NRG1: variants seen among roughly 807,000 people sequenced by gnomAD.
The protein encoded by NRG1 is neuregulin 1.
In NRG1, 18 loss-of-function variants were observed where a neutral mutation model predicts 63.8. The observed-to-expected ratio is 0.28, with a 90% CI of 0.19 to 0.42. The LOEUF is 0.42. Ranked by LOEUF, NRG1 falls within the 10% of genes least tolerant of loss-of-function variation. The probability of loss-of-function intolerance (pLI) is 1.00; values close to 1 mark genes in which losing one functional copy is unlikely to be tolerated. For missense variants in NRG1, 762 were observed against 814.7 expected, an observed-to-expected ratio of 0.94 and a Z score of 0.79; for synonymous variants, 302 against 301.3, an observed-to-expected ratio of 1.00 and a Z score of -0.02.
chr8:32,096,584 G>T lies in NRG1; in HGVS notation c.37+457153G>T, dbSNP rs150904072. ...GATGTCTGGAAAAATTCAAAATTGG[G>T]CATCTGTATTTGGTGAAGGCCACAG... On this transcript the variant is annotated intron_variant, in intron 1 of 10. Transcript: ENST00000519301. 6.6e-5 allele frequency among the ~76,000 whole-genome samples: 10 copies of T among 152,256 alleles called. No homozygotes were observed. The South Asian group carries it at 8.3e-4, about 13-fold the overall frequency.
At chr8:32,591,720 T>C (rs902156560) in intron 1 of NRG1, among the ~76,000 whole-genome samples, 15 of 152,190 alleles carry the variant, frequency 9.9e-5, no homozygotes, top group African/African-American at 3.6e-4. Flanking sequence ...AAGAATTTCT[T>C]TCATGAATGC....
intron 1 of NRG1, among the ~76,000 whole-genome samples, chr8:31,815,410 T>C (rs1823340634): frequency 1.3e-5 from 2 of 152,208 alleles, no homozygotes; most frequent in African/African-American, 2.4e-5. Flanking sequence ...ATCCATGTTA[T>C]AGCATATTTC....
intron 1 of NRG1, among the ~76,000 whole-genome samples, chr8:32,319,975 A>G (rs940673227): frequency 6.6e-6 from 1 of 152,162 alleles, no homozygotes; most frequent in Admixed American, 6.6e-5. Flanking sequence ...CCTTAGCCCC[A>G]GGAGGAAGAA....
At chr8:31,886,986 A>G (rs1408315193) in intron 1 of NRG1, among the ~76,000 whole-genome samples, 1 of 152,078 alleles carries the variant, frequency 6.6e-6, no homozygotes, top group African/African-American at 2.4e-5. Flanking sequence ...CTTTCTGCAC[A>G]TTGGCTTCCT....
In NRG1 at chr8:31,725,069, A is replaced by G. The variant is rs142788260; in HGVS notation, c.37+85638A>G. Among the ~76,000 whole-genome samples the G allele has an allele frequency of 3.9e-3, 588 of 152,236 alleles. 1 individual carries two copies. The highest frequency in any genetic ancestry group is 0.019 in the South Asian group (91 of 4,828). ...TAATCTTCACCTATTGTGAAATGTT[A>G]TTTTTCTCTTGATTTTTGTAACCAT... On this transcript the variant is annotated intron_variant, in intron 1 of 10. Transcript: ENST00000519301.
chr8:32,155,412 T>C (rs920430346), intron 1 of NRG1, among the ~76,000 whole-genome samples: 1 of 152,216 alleles, frequency 6.6e-6, no homozygotes, highest in Non-Finnish European at 1.5e-5. Flanking sequence ...ATCTCATTTT[T>C]TTTCCAAGAT....
At chr8:31,967,491 G>A (rs75734869) in intron 1 of NRG1, among the ~76,000 whole-genome samples, 1,636 of 152,260 alleles carry the variant, frequency 0.011, 29 homozygotes, top group African/African-American at 0.037. Flanking sequence ...GGAATGGTCA[G>A]GGCTGAAAGC....
chr8:32,678,069 C>A (rs567319384), intron 5 of NRG1, among the ~76,000 whole-genome samples: 1 of 152,254 alleles, frequency 6.6e-6, no homozygotes, highest in African/African-American at 2.4e-5. Flanking sequence ...ATATTACTGA[C>A]AAATGCTATT....
intron 1 of NRG1, among the ~76,000 whole-genome samples, chr8:31,742,179 T>C (rs894098924): frequency 5.3e-5 from 8 of 152,070 alleles, no homozygotes; most frequent in African/African-American, 1.9e-4. Flanking sequence ...TGCATTCATA[T>C]ATGGTAGAAC....
At position 32,754,492 on chromosome 8, in the gene NRG1, A is replaced by G. The variant is rs368421809; in HGVS notation, c.794+18A>G. 1.1e-5 allele frequency: 18 copies of G among 1,609,690 alleles called. No individual in the cohort carries two copies. The Admixed American group carries it at 2.2e-4, about 19-fold the overall frequency. On this transcript the variant is annotated intron_variant, in intron 8 of 11. Coordinates refer to ENST00000356819, the Ensembl canonical transcript of NRG1. ...AAAACCAAGTAAACCTTCTTTCTCC[A>G]TGCCTTTCTCTCTCCTTCATGCAGA...
intron 1 of NRG1, among the ~76,000 whole-genome samples, chr8:32,326,559 A>C (rs1351724821): frequency 6.6e-6 from 1 of 151,998 alleles, no homozygotes; most frequent in Non-Finnish European, 1.5e-5. Context: ...TTCTAGCCTC[A>C]AGCAATCAAT....
upstream of NRG1, among the ~76,000 whole-genome samples, chr8:32,544,399 A>C (rs1377536637): frequency 1.3e-5 from 2 of 151,894 alleles, no homozygotes; most frequent in Non-Finnish European, 2.9e-5. Flanking sequence ...ATTTGTTTTT[A>C]TGCCTTTCTC....
chr8:32,735,676 G>A (rs1165859582), intron 6 of NRG1, among the ~76,000 whole-genome samples: 2 of 152,142 alleles, frequency 1.3e-5, no homozygotes, highest in Non-Finnish European at 2.9e-5. Flanking sequence ...CACATCCAAT[G>A]AAATTGTTTG....
intron 1 of NRG1, among the ~76,000 whole-genome samples, chr8:31,949,596 T>C (rs987891515): frequency 1.3e-5 from 2 of 152,216 alleles, no homozygotes; most frequent in African/African-American, 4.8e-5. Context: ...TCCTCTGGAA[T>C]CATGAGCTGC....
At chr8:32,681,354 A>G (rs1808567787) in intron 5 of NRG1, among the ~76,000 whole-genome samples, 2 of 152,130 alleles carry the variant, frequency 1.3e-5, no homozygotes, top group African/African-American at 4.8e-5. Flanking sequence ...AGCCTTTTTC[A>G]TTTAAGTACA....
intron 1 of NRG1, among the ~76,000 whole-genome samples, chr8:32,048,353 A>G (rs1004834453): frequency 5.4e-5 from 8 of 149,288 alleles, no homozygotes; most frequent in African/African-American, 1.2e-4. Context: ...GTATGAATAT[A>G]CATATATGCA....
chr8:32,735,754 G>A (rs1379128782), intron 6 of NRG1, among the ~76,000 whole-genome samples: 1 of 152,196 alleles, frequency 6.6e-6, no homozygotes, highest in African/African-American at 2.4e-5. Flanking sequence ...CTGCAGATGA[G>A]CATTTCAGAG....
At chr8:31,905,806 A>G (rs113648824) in intron 1 of NRG1, among the ~76,000 whole-genome samples, 187 of 152,344 alleles carry the variant, frequency 1.2e-3, no homozygotes, top group African/African-American at 4.3e-3. Context: ...ATTTCTGTTC[A>G]TTGATCAACT....
intron 1 of NRG1, among the ~76,000 whole-genome samples, chr8:32,033,324 A>G (rs1439479939): frequency 6.6e-6 from 1 of 152,054 alleles, no homozygotes; most frequent in African/African-American, 2.4e-5. Flanking sequence ...TTTTTGTACT[A>G]GTACCATGCT....
Sources: gnomAD v4.1 joint callset for allele counts (sites outside exome capture counted in the v4.1 genomes callset) on GRCh38, gnomAD v4.1.1 for gene constraint, MANE v1.5 for transcripts, NCBI Gene and HGNC (gene_info 2026-07-23, HGNC 2026-07-21) for gene names.